MEIS2: variants seen among roughly 807,000 people sequenced by gnomAD.
MEIS2 encodes the protein homeobox protein Meis2.
A neutral mutation model predicts 58.6 loss-of-function variants in MEIS2; 9 were observed. The observed-to-expected ratio is 0.15, with a 90% CI of 0.09 to 0.27. The LOEUF (loss-of-function observed/expected upper bound fraction) is 0.27. Ranked by LOEUF, MEIS2 falls within the 10% of genes least tolerant of loss-of-function variation. MEIS2 has a pLI of 1.00. For synonymous variants in MEIS2, 221 were observed against 228.4 expected, an observed-to-expected ratio of 0.97 and a Z score of 0.29; for missense variants, 427 against 635.0, an observed-to-expected ratio of 0.67 and a Z score of 3.52.
intron 8 of MEIS2, among the ~76,000 whole-genome samples, chr15:36,991,781 T>TC (rs2060291456): frequency 4.4e-5 from 3 of 67,444 alleles, no homozygotes; most frequent in African/African-American, 5.5e-5. Context: ...CTTTTTTTTT[T>TC]TCTTTTTTTT....
At chr15:37,087,624 A>G (rs938679373) in intron 6 of MEIS2, among the ~76,000 whole-genome samples, 1 of 152,160 alleles carries the variant, frequency 6.6e-6, no homozygotes, top group Non-Finnish European at 1.5e-5. Flanking sequence ...ATTTAGCACT[A>G]TCATTGAATT....
At chr15:37,085,584 T>C (rs1892787341) in intron 6 of MEIS2, among the ~76,000 whole-genome samples, 1 of 152,170 alleles carries the variant, frequency 6.6e-6, no homozygotes, top group Non-Finnish European at 1.5e-5. Flanking sequence ...ATAACATCTA[T>C]ATAAAATAAT....
intron 7 of MEIS2, among the ~76,000 whole-genome samples, chr15:37,054,996 C>T (rs759227593): frequency 1.3e-5 from 2 of 152,176 alleles, no homozygotes; most frequent in Non-Finnish European, 2.9e-5. Flanking sequence ...GTTTAATTCT[C>T]ATCATCCTAT....
At chr15:36,950,252 A>T in intron 9 of MEIS2, 72 bp downstream of exon 9, 1 of 1,314,512 alleles carries the variant, frequency 7.6e-7, no homozygotes. Flanking sequence ...AAAAAAAAAA[A>T]AGAGAGAAAA....
intron 8 of MEIS2, among the ~76,000 whole-genome samples, chr15:37,024,096 C>T (rs1009203543): frequency 6.6e-6 from 1 of 151,938 alleles, no homozygotes; most frequent in Non-Finnish European, 1.5e-5. Context: ...TGGAGTTTCA[C>T]TATGTTGGCC....
chr15:37,056,328 T>A (rs1479617517), intron 7 of MEIS2, among the ~76,000 whole-genome samples: 4 of 152,138 alleles, frequency 2.6e-5, no homozygotes, highest in Non-Finnish European at 5.9e-5. Flanking sequence ...TTAAAATGGG[T>A]GTGCCTCTGA....
At chr15:36,987,840 C>T (rs1250700756) in intron 8 of MEIS2, among the ~76,000 whole-genome samples, 1 of 151,348 alleles carries the variant, frequency 6.6e-6, no homozygotes, top group Non-Finnish European at 1.5e-5. Flanking sequence ...GGGATTAAAT[C>T]AAAGAAGACG....
intron 8 of MEIS2, among the ~76,000 whole-genome samples, chr15:36,958,280 G>A (rs1201212598): frequency 6.6e-6 from 1 of 152,078 alleles, no homozygotes; most frequent in Non-Finnish European, 1.5e-5. Context: ...AATACTGAAT[G>A]AGCCTGATGG....
intron 7 of MEIS2, among the ~76,000 whole-genome samples, chr15:37,043,203 GGTTTAATA>G (rs1401210641): frequency 6.6e-6 from 1 of 152,020 alleles, no homozygotes; most frequent in East Asian, 1.9e-4. Flanking sequence ...TTCTAGACCA[GGTTTAATA>G]GTTAAATATG....
At chr15:36,895,330 C>T in intron 10 of MEIS2, 69 bp from the exon 11 acceptor site, 2 of 1,332,318 alleles carry the variant, frequency 1.5e-6, no homozygotes, top group Admixed American at 1.7e-5. Flanking sequence ...AGCAATTGTT[C>T]CCGCTGCAGC....
intron 10 of MEIS2, among the ~76,000 whole-genome samples, chr15:36,895,690 T>G (rs1251101751): frequency 6.6e-6 from 1 of 152,250 alleles, no homozygotes; most frequent in South Asian, 2.1e-4. Flanking sequence ...CAAGGTTAAA[T>G]AGACTCAATT....
intron 8 of MEIS2, among the ~76,000 whole-genome samples, chr15:36,954,907 A>G (rs2058901769): frequency 6.6e-6 from 1 of 152,184 alleles, no homozygotes; most frequent in South Asian, 2.1e-4. Flanking sequence ...TATAGAGTTA[A>G]TCCAGGTGAC....
intron 6 of MEIS2, among the ~76,000 whole-genome samples, chr15:37,091,921 T>C (rs1893573972): frequency 6.6e-6 from 1 of 151,908 alleles, no homozygotes; most frequent in South Asian, 2.1e-4. Context: ...TAAATATAAA[T>C]ATAGAAACAG....
At chr15:36,933,434 A>G (rs1438659736) in intron 9 of MEIS2, among the ~76,000 whole-genome samples, 1 of 152,192 alleles carries the variant, frequency 6.6e-6, no homozygotes, top group African/African-American at 2.4e-5. Flanking sequence ...TGGAATTTTA[A>G]TCTCCTCCAT....
At chr15:36,935,813 T>TA (rs1341324317) in intron 9 of MEIS2, among the ~76,000 whole-genome samples, 3 of 151,988 alleles carry the variant, frequency 2.0e-5, no homozygotes, top group Admixed American at 6.5e-5. Flanking sequence ...TAAATAAAAT[T>TA]AGAGTTTTAG....
At chr15:36,932,737 C>T (rs941717775) in intron 9 of MEIS2, among the ~76,000 whole-genome samples, 2 of 152,016 alleles carry the variant, frequency 1.3e-5, no homozygotes, top group Non-Finnish European at 2.9e-5. Flanking sequence ...ATGTGGGTTT[C>T]ATTACATTGT....
chr15:37,007,897 C>A (rs932213358), intron 8 of MEIS2, among the ~76,000 whole-genome samples: 2 of 152,112 alleles, frequency 1.3e-5, no homozygotes, highest in Non-Finnish European at 2.9e-5. Flanking sequence ...GGTCTGCAGA[C>A]CTCTAGAAAA....
chr15:37,074,742 G>A (rs1891155316), intron 7 of MEIS2, among the ~76,000 whole-genome samples: 1 of 151,982 alleles, frequency 6.6e-6, no homozygotes, highest in Non-Finnish European at 1.5e-5. Context: ...CTTTCCAGAT[G>A]TAGTGACTGA....
At chr15:36,914,471 A>G (rs1217884591) in intron 9 of MEIS2, among the ~76,000 whole-genome samples, 1 of 152,208 alleles carries the variant, frequency 6.6e-6, no homozygotes, top group African/African-American at 2.4e-5. Flanking sequence ...TGCATTTTCA[A>G]ATATGGACAG....
Sources: gnomAD v4.1 joint callset for allele counts (sites outside exome capture counted in the v4.1 genomes callset) on GRCh38, gnomAD v4.1.1 for gene constraint, MANE v1.5 for transcripts, NCBI Gene and HGNC (gene_info 2026-07-23, HGNC 2026-07-21) for gene names.